SLC22A24: variants seen among roughly 807,000 people sequenced by gnomAD.
SLC22A24 encodes the protein solute carrier family 22 member 24, also known as steroid transmembrane transporter SLC22A24.
SLC22A24 carries 53 observed loss-of-function variants against 49.8 expected under a neutral mutation model. That is an observed-to-expected ratio of 1.06 (90% CI 0.85 to 1.34). SLC22A24 has a LOEUF of 1.34. Among genes scored for constraint, SLC22A24 ranks in the 40% most tolerant of loss-of-function variants. The pLI is 0.00. For synonymous variants in SLC22A24, 302 were observed against 256.4 expected, an observed-to-expected ratio of 1.18 and a Z score of -1.70; for missense variants, 786 against 675.9, an observed-to-expected ratio of 1.16 and a Z score of -1.81.
In SLC22A24 at chr11:63,143,713, A is replaced by C; in HGVS notation, c.67T>G (p.Phe23Val). 1 of 1,536,826 alleles carries C rather than the reference A, an allele frequency of 6.5e-7. No individual in the cohort carries two copies. The highest frequency in any genetic ancestry group is 8.7e-7 in the Non-Finnish European group (1 of 1,143,090). Residue 23 changes from phenylalanine to valine, a missense_variant, in exon 1 of 10, where the codon TTC (phenylalanine) becomes GTC (valine). Coordinates refer to ENST00000612278, the MANE Select transcript of SLC22A24 (RefSeq NM_001136506.2). ...AGTAGGATGTTGGTGATGCAAAAGA[A>C]AGCTATCAGACAAATCTGGAATCTC... ...MGRFQICLIA[F>V]FCITNILLFP...
At chr11:63,105,275 G>T (rs1458914170) in intron 4 of SLC22A24, among the ~76,000 whole-genome samples, 1 of 152,244 alleles carries the variant, frequency 6.6e-6, no homozygotes, top group East Asian at 1.9e-4. Context: ...TGGATCTACA[G>T]TTCGGGGATC....
intron 4 of SLC22A24, among the ~76,000 whole-genome samples, chr11:63,114,184 G>A (rs998390999): frequency 2.6e-5 from 4 of 151,970 alleles, no homozygotes; most frequent in Admixed American, 6.6e-5. Flanking sequence ...CATTCTTTCC[G>A]TCACTTTCAG....
chr11:63,132,930 G>A (rs1209854232), intron 2 of SLC22A24, among the ~76,000 whole-genome samples: 1 of 152,220 alleles, frequency 6.6e-6, no homozygotes, highest in Non-Finnish European at 1.5e-5. Flanking sequence ...TAGAGAGGCA[G>A]TAGTCCTTAC....
chr11:63,134,940 A>C (rs1038441118), intron 1 of SLC22A24, among the ~76,000 whole-genome samples, 172 bp from the exon 2 acceptor site: 2 of 152,152 alleles, frequency 1.3e-5, no homozygotes, highest in Non-Finnish European at 2.9e-5. Context: ...TATTCTAAAA[A>C]TACTAAACTT....
intron 1 of SLC22A24, among the ~76,000 whole-genome samples, chr11:63,135,312 G>A (rs969664397): frequency 1.3e-5 from 2 of 152,034 alleles, no homozygotes; most frequent in African/African-American, 2.4e-5. Context: ...TAAAAATACC[G>A]ATGCCTAGAT....
At chr11:63,124,854 C>CA (rs2087277378) in intron 2 of SLC22A24, among the ~76,000 whole-genome samples, 1 of 148,110 alleles carries the variant, frequency 6.8e-6, no homozygotes, top group South Asian at 2.2e-4. Flanking sequence ...ATTGCAAGGA[C>CA]AAAAAACCAA....
At chr11:63,125,729 C>T (rs2087285711) in intron 2 of SLC22A24, among the ~76,000 whole-genome samples, 1 of 152,158 alleles carries the variant, frequency 6.6e-6, no homozygotes, top group African/African-American at 2.4e-5. Context: ...GAGGAATTGC[C>T]ACACTGTCTT....
intron 5 of SLC22A24, among the ~76,000 whole-genome samples, chr11:63,100,109 C>A (rs775710675): frequency 4.6e-5 from 7 of 151,930 alleles, no homozygotes; most frequent in Non-Finnish European, 1.0e-4. Flanking sequence ...TAAATGGCAT[C>A]CAAATTGGAA....
chr11:63,141,597 A>G (rs572307769), intron 1 of SLC22A24, among the ~76,000 whole-genome samples: 1 of 152,304 alleles, frequency 6.6e-6, no homozygotes, highest in Admixed American at 6.5e-5. Flanking sequence ...TAAGTAAAGA[A>G]TGTCACTTTC....
intron 6 of SLC22A24, among the ~76,000 whole-genome samples, chr11:63,089,409 C>G (rs920615633): frequency 1.3e-5 from 2 of 152,100 alleles, no homozygotes; most frequent in African/African-American, 4.8e-5. Flanking sequence ...TATGAGAGCA[C>G]CTGAAGGAAG....
intron 4 of SLC22A24, among the ~76,000 whole-genome samples, chr11:63,115,466 C>G (rs2087206008): frequency 6.6e-6 from 1 of 152,190 alleles, no homozygotes. Flanking sequence ...CAGGTACAGT[C>G]TGTCATGGCT....
In SLC22A24 at chr11:63,119,053, C is replaced by T. The variant is rs765593659; in HGVS notation, c.689G>A (p.Arg230Gln). ...LSLEWTLPRS[R>Q]SMTIMVLLCS... Reference sequence around the variant, plus strand: ...TAATAGCACCATTATTGTCATAGATCGTGACCGGGGCAATGTCCACTCTAA... The same window carrying T: ...TAATAGCACCATTATTGTCATAGATTGTGACCGGGGCAATGTCCACTCTAA... Residue 230 changes from arginine to glutamine, a missense_variant, in exon 4 of 10, where the codon CGA (arginine) becomes CAA (glutamine). Arg to Gln is a conservative substitution (Grantham distance 43). Coordinates refer to ENST00000612278, the MANE Select transcript of SLC22A24 (RefSeq NM_001136506.2). 62 of 1,550,516 alleles carry T rather than the reference C, an allele frequency of 4.0e-5. No individual in the cohort carries two copies. Among genetic ancestry groups the T allele is most frequent in the Middle Eastern group, 1.7e-4 (1 of 5,990 alleles).
At chr11:63,121,768 C>G (rs1026753134) in intron 2 of SLC22A24, among the ~76,000 whole-genome samples, 1 of 152,048 alleles carries the variant, frequency 6.6e-6, no homozygotes, top group Non-Finnish European at 1.5e-5. Flanking sequence ...AGGTATATCT[C>G]CTAATGCTAT....
intron 6 of SLC22A24, among the ~76,000 whole-genome samples, chr11:63,090,721 T>G (rs776744097): frequency 2.2e-5 from 3 of 138,226 alleles, no homozygotes; most frequent in Non-Finnish European, 3.2e-5. Flanking sequence ...AAGAAGTTAT[T>G]TGAAACCAAT....
intron 4 of SLC22A24, among the ~76,000 whole-genome samples, chr11:63,108,229 A>G (rs1357336249): frequency 6.6e-6 from 1 of 152,078 alleles, no homozygotes; most frequent in Non-Finnish European, 1.5e-5. Context: ...TATGTGATGG[A>G]TTACATTTAT....
chr11:63,089,005 A>G (rs1214090971), intron 6 of SLC22A24, among the ~76,000 whole-genome samples: 2 of 152,198 alleles, frequency 1.3e-5, no homozygotes, highest in Non-Finnish European at 2.9e-5. Flanking sequence ...ACACTTCAGG[A>G]TATTATCCAG....
intron 6 of SLC22A24, among the ~76,000 whole-genome samples, chr11:63,091,278 A>G (rs11821844): frequency 0.027 from 4,103 of 152,256 alleles, 177 homozygotes; most frequent in African/African-American, 0.094. Context: ...CTACCAACCA[A>G]AAAAGGGCAA....
chr11:63,124,323 A>AG (rs948038956), intron 2 of SLC22A24, among the ~76,000 whole-genome samples: 34 of 152,278 alleles, frequency 2.2e-4, no homozygotes, highest in African/African-American at 8.2e-4. Flanking sequence ...GACAGAAAAA[A>AG]CTTTCAAGCT....
chr11:63,099,620 A>G (rs2087078361), intron 5 of SLC22A24, among the ~76,000 whole-genome samples: 1 of 151,960 alleles, frequency 6.6e-6, no homozygotes, highest in African/African-American at 2.4e-5. Flanking sequence ...AGAGACAGAT[A>G]AAAAAGAAAA....
Sources: gnomAD v4.1 joint callset for allele counts (sites outside exome capture counted in the v4.1 genomes callset) on GRCh38, gnomAD v4.1.1 for gene constraint, MANE v1.5 for transcripts, NCBI Gene and HGNC (gene_info 2026-07-23, HGNC 2026-07-21) for gene names.